ADAM30: variants seen among roughly 807,000 people sequenced by gnomAD.
ADAM30 encodes disintegrin and metalloproteinase domain-containing protein 30.
For missense variants in ADAM30, 960 were observed against 959.4 expected, an observed-to-expected ratio of 1.00 and a Z score of -0.01; for synonymous variants, 382 against 340.9, an observed-to-expected ratio of 1.12 and a Z score of -1.33.
chr1:119,895,541 A>T lies in ADAM30; in HGVS notation c.796T>A (p.Tyr266Asn), dbSNP rs145107672. 4.3e-6 allele frequency: 7 copies of T among 1,613,754 alleles called. No homozygotes were observed. In the African/African-American group the frequency reaches 6.7e-5, roughly 15 times the overall value. ...WTDFNKIRVG[Y>N]PELAEVLGRF... ...CCTAAAACTTCAGCTAACTCTGGAT[A>T]TCCAACGCGTATTTTGTTAAAATCT... The change falls in exon 1 of 1, where the codon TAT becomes AAT. Residue 266 changes from tyrosine to asparagine, a missense_variant. Coordinates refer to ENST00000369400, the MANE Select transcript of ADAM30 (RefSeq NM_021794.4).
rs1224561680 is a variant in ADAM30 at position 119,894,684 on chromosome 1, A to G, written c.1653T>C (p.Asn551=). The change falls in exon 1 of 1, where the codon AAT becomes AAC. Residue 551 remains asparagine (N), a synonymous_variant. Transcript: ENST00000369400. ...IRNFKKCESA[N]SICGRLQCIN... ...TACACTGTAGCCTGCCACATATTGA[A>G]TTTGCACTTTCACACTTTTTAAAAT... 1.9e-6 allele frequency: 3 copies of G among 1,613,986 alleles called. No individual in the cohort carries two copies. The highest frequency in any genetic ancestry group is 2.2e-5 in the East Asian group (1 of 44,892).
At position 119,894,549 on chromosome 1, in the gene ADAM30, T is replaced by G; in HGVS notation, c.1788A>C (p.Lys596Asn). 1 of 1,613,920 alleles carries G rather than the reference T, an allele frequency of 6.2e-7. No homozygotes were observed. Among genetic ancestry groups the G allele is most frequent in the Non-Finnish European group, 8.5e-7 (1 of 1,180,012 alleles). The change falls in exon 1 of 1, where the codon AAA becomes AAC. Residue 596 changes from lysine to asparagine, a missense_variant. By Grantham distance (94) the Lys-to-Asn change is moderately conservative. Transcript: ENST00000369400. The part of the protein sequence containing the change: ...CWGTGYHLSM[K>N]PMGIPDLGMI... The stretch of plus-strand genomic sequence containing the variant: ...TACCTAGGTCAGGTATTCCCATGGG[T>G]TTCATGGATAGATGATAGCCTGTGC...
At position 119,894,036 on chromosome 1, in the gene ADAM30, T is replaced by C. The variant is rs1648496776; in HGVS notation, c.2301A>G (p.Gly767=). 1 of 1,613,468 alleles carries C rather than the reference T, an allele frequency of 6.2e-7. No individual in the cohort carries two copies. The highest frequency in any genetic ancestry group is 1.1e-5 in the South Asian group (1 of 91,014). Residue 767 remains glycine, a synonymous_variant, in exon 1 of 1, where the codon GGA becomes GGG. Coordinates refer to ENST00000369400, the MANE Select transcript of ADAM30 (RefSeq NM_021794.4). The part of the protein sequence containing the change: ...TGQEESKAKT[G]QEESKANIES... ...CAATGTTTGCTTTAGATTCTTCCTG[T>C]CCAGTTTTTGCTTTAGATTCTTCCT...
In ADAM30 at chr1:119,896,447, C is replaced by A; in HGVS notation, c.-111G>T. 1 of 1,421,198 alleles carries A rather than the reference C, an allele frequency of 7.0e-7. No homozygotes were observed. The highest frequency in any genetic ancestry group is 1.6e-5 in the South Asian group (1 of 61,332). The allele number at this position is 1,421,198 out of a possible 1,614,324, so 88.0% of individuals were successfully genotyped here. A position where few individuals can be genotyped will look rare whatever the true frequency, so the allele number is the denominator to read the frequency against. On this transcript the variant is annotated 5_prime_UTR_variant, in exon 1 of 1. Transcript: ENST00000369400. ...AGGCGCCTGAGCTCAAAACCCGGCT[C>A]CCCTGGCAGGGTTTCCGGGGGAGCC...
In ADAM30 at chr1:119,895,964, T is replaced by C. The variant is rs1369584275; in HGVS notation, c.373A>G (p.Thr125Ala). The C allele has an allele frequency of 6.2e-7, 1 of 1,614,158 alleles. No individual in the cohort carries two copies. ...SVKESLDSKATISTCMGGLRG... is the reference protein window; with the variant it reads ...SVKESLDSKAAISTCMGGLRG... ...AGACCCCCCATGCATGTGCTTATAG[T>C]AGCTTTAGAGTCCAGAGACTCTTTC... Residue 125 changes from threonine to alanine, a missense_variant, in exon 1 of 1, where the codon ACT (threonine) becomes GCT (alanine). Transcript: ENST00000369400.
rs1470927646 is a variant in ADAM30, at chr1:119,894,732, G to C, written c.1605C>G (p.Asn535Lys). 1 of 1,614,178 alleles carries C rather than the reference G, an allele frequency of 6.2e-7. No homozygotes were observed. Among genetic ancestry groups the C allele is most frequent in the Admixed American group, 1.7e-5 (1 of 60,024 alleles). The change falls in exon 1 of 1, where the codon AAC (asparagine) becomes AAG (lysine). Residue 535 changes from asparagine to lysine, a missense_variant. By Grantham distance (94) the Asn-to-Lys change is moderately conservative (BLOSUM62 0). Transcript: ENST00000369400. ...AATTTCGAATTCCTGTAATCTCACA[G>C]TTACCAAATTGATCACCTATTAAGT... Reference protein sequence around the residue: ...AVNLIGDQFGNCEITGIRNFK... With the variant: ...AVNLIGDQFGKCEITGIRNFK...
Position 119,894,297 on chromosome 1 carries a change from C to A in ADAM30, c.2040G>T (p.Gly680=). 3 of 1,614,140 alleles carry A rather than the reference C, an allele frequency of 1.9e-6. No individual in the cohort carries two copies. Among genetic ancestry groups the A allele is most frequent in the Non-Finnish European group, 1.7e-6 (2 of 1,180,022 alleles). ...IDSGPPGLLR[G]AIPSSIWVVS... Reference sequence around the variant, plus strand: ...CAACCCAAATTGACGAGGGAATCGCCCCTCTGAGCAGTCCTGGAGGCCCAC... The same window carrying A: ...CAACCCAAATTGACGAGGGAATCGCACCTCTGAGCAGTCCTGGAGGCCCAC... The change falls in exon 1 of 1, where the codon GGG becomes GGT. Residue 680 remains glycine (G), a synonymous_variant. Coordinates refer to ENST00000369400, the MANE Select transcript of ADAM30 (RefSeq NM_021794.4).
At position 119,893,762 on chromosome 1, in the gene ADAM30, C is replaced by A; in HGVS notation, c.*202G>T. 2 of 1,081,198 alleles carry A rather than the reference C, an allele frequency of 1.8e-6. No individual in the cohort carries two copies. Among genetic ancestry groups the A allele is most frequent in the Non-Finnish European group, 2.5e-6 (2 of 786,738 alleles). The allele number at this position is 1,081,198 out of a possible 1,614,324, so 67.0% of individuals were successfully genotyped here. On this transcript the variant is annotated 3_prime_UTR_variant, in exon 1 of 1. Coordinates refer to ENST00000369400, the MANE Select transcript of ADAM30 (RefSeq NM_021794.4). ...TCTCAGAATACCCACAACTTGGTCA[C>A]AAACTGAGGGGCAAGTGAACACTCG...
In ADAM30 at chr1:119,895,865, C is replaced by A. The variant is rs199726687; in HGVS notation, c.472G>T (p.Val158Phe). 182 of 1,614,158 alleles carry A rather than the reference C, an allele frequency of 1.1e-4. No homozygotes were observed. In the East Asian group the frequency reaches 3.4e-3, roughly 30 times the overall value. Residue 158 changes from valine to phenylalanine, a missense_variant, in exon 1 of 1, where the codon GTC becomes TTC. Val to Phe is a conservative substitution (Grantham distance 50). Coordinates refer to ENST00000369400, the MANE Select transcript of ADAM30 (RefSeq NM_021794.4). ...PLKASPSFEHVVYLLKKEQFG... is the reference protein window; with the variant it reads ...PLKASPSFEHFVYLLKKEQFG... ...TGCTCTTTCTTCAGGAGATAGACGA[C>A]ATGTTCAAAACTGGGAGAGGCCTTG...
rs1261598864 is a variant in ADAM30, at chr1:119,894,990, C to A, written c.1347G>T (p.Arg449=). 4.3e-6 allele frequency: 7 copies of A among 1,614,182 alleles called. No homozygotes were observed. The East Asian group carries it at 1.6e-4, about 36-fold the overall frequency. Reference sequence around the variant, plus strand: ...TACACACGTATCCAGATGGACGAAACCGACAATCATGACAGCAAAGTCCAA... The same window carrying A: ...TACACACGTATCCAGATGGACGAAAACGACAATCATGACAGCAAAGTCCAA... ...CSIGLCCHDC[R]FRPSGYVCRQ... The change falls in exon 1 of 1, where the codon CGG becomes CGT. Residue 449 remains arginine, a synonymous_variant. Coordinates refer to ENST00000369400, the MANE Select transcript of ADAM30 (RefSeq NM_021794.4).
chr1:119,893,933 C>T lies in ADAM30; in HGVS notation c.*31G>A. ...TGATTAGCTGGTTAAATAAATGAGC[C>T]TGTGTTACTGAATGAGTATGGATTG... On this transcript the variant is annotated 3_prime_UTR_variant, in exon 1 of 1. Transcript: ENST00000369400. 6.4e-7 allele frequency: 1 copy of T among 1,573,786 alleles called. No homozygotes were observed. Among genetic ancestry groups the T allele is most frequent in the Non-Finnish European group, 8.6e-7 (1 of 1,166,030 alleles).
chr1:119,894,599 G>A lies in ADAM30; in HGVS notation c.1738C>T (p.Gln580Ter). The A allele has an allele frequency of 6.2e-7, 1 of 1,614,138 alleles. No homozygotes were observed. The highest frequency in any genetic ancestry group is 1.3e-5 in the African/African-American group (1 of 75,054). ...EHTTIISTHL[Q>*]AENLMCWGTG... is the part of the protein sequence containing the mutation. ...CCCCAGCACATGAGATTTTCTGCCTGTAAATGAGTAGAAATTATAGTCGTA... is the reference window on the plus strand; with the variant it reads ...CCCCAGCACATGAGATTTTCTGCCTATAAATGAGTAGAAATTATAGTCGTA... Residue 580 changes from glutamine to a stop codon, truncating the protein, a stop_gained, in exon 1 of 1, where the codon CAG (glutamine) becomes TAG (stop). Coordinates refer to ENST00000369400, the MANE Select transcript of ADAM30 (RefSeq NM_021794.4). LOFTEE classifies it low-confidence loss of function (END_TRUNC).
rs758467993 is a variant in ADAM30, at chr1:119,896,118, G to A, written c.219C>T (p.His73=). 9.3e-6 allele frequency: 15 copies of A among 1,613,962 alleles called. No individual in the cohort carries two copies. Among genetic ancestry groups the A allele is most frequent in the Non-Finnish European group, 1.2e-5 (14 of 1,180,004 alleles). The part of the protein sequence containing the change: ...SYLLQLKGKK[H]VLHLWPKRLL... ...GTCTCTTGGGCCACAAATGGAGGAC[G>A]TGCTTCTTGCCTTTTAACTGCAGTA... Residue 73 remains histidine, a synonymous_variant, in exon 1 of 1, where the codon CAC becomes CAT. Coordinates refer to ENST00000369400, the MANE Select transcript of ADAM30 (RefSeq NM_021794.4).
In ADAM30 at chr1:119,895,335, G is replaced by A. The variant is rs148513488; in HGVS notation, c.1002C>T (p.Thr334=). The change falls in exon 1 of 1, where the codon ACC becomes ACT. Residue 334 remains threonine, a synonymous_variant. Transcript: ENST00000369400. ...LLDTNILAPA[T]WSAHELGHAV... is the part of the protein sequence containing the mutation. ...CATGACCCAGCTCATGAGCAGACCA[G>A]GTAGCAGGGGCAAGGATATTTGTAT... 6.1e-5 allele frequency: 98 copies of A among 1,614,008 alleles called. No homozygotes were observed. The highest frequency in any genetic ancestry group is 8.0e-5 in the Non-Finnish European group (94 of 1,180,028).
chr1:119,894,414 C>A lies in ADAM30; in HGVS notation c.1923G>T (p.Arg641=). The change falls in exon 1 of 1, where the codon CGG becomes CGT. Residue 641 remains arginine, a synonymous_variant. Coordinates refer to ENST00000369400, the MANE Select transcript of ADAM30 (RefSeq NM_021794.4). ...AGTTTTTTCTGTTGTTGCAAACACC[C>A]CGGGTATTGCATTTCTCAGGCAAAC... is the stretch of plus-strand genomic sequence containing the variant. ...FDCLPEKCNT[R]GVCNNRKNCH... is the part of the protein sequence containing the mutation. 1 of 1,614,120 alleles carries A rather than the reference C, an allele frequency of 6.2e-7. No individual in the cohort carries two copies.
chr1:119,895,993 G>C lies in ADAM30; in HGVS notation c.344C>G (p.Ser115Cys). 1 of 1,614,120 alleles carries C rather than the reference G, an allele frequency of 6.2e-7. No homozygotes were observed. The highest frequency in any genetic ancestry group is 8.5e-7 in the Non-Finnish European group (1 of 1,180,028). ...YIPKDCNYMG[S>C]VKESLDSKAT... ...TTTAGAGTCCAGAGACTCTTTCACGGAGCCCATGTAGTTGCAGTCCTTTGG... is the reference window on the plus strand; with the variant it reads ...TTTAGAGTCCAGAGACTCTTTCACGCAGCCCATGTAGTTGCAGTCCTTTGG... The change falls in exon 1 of 1, where the codon TCC becomes TGC. Residue 115 changes from serine to cysteine, a missense_variant. Physicochemically the swap from Ser to Cys is moderately radical, Grantham distance 112. Transcript: ENST00000369400.
chr1:119,894,665 G>T lies in ADAM30; in HGVS notation c.1672C>A (p.Gln558Lys). The T allele has an allele frequency of 6.2e-7, 1 of 1,614,108 alleles. No individual in the cohort carries two copies. Among genetic ancestry groups the T allele is most frequent in the East Asian group, 2.2e-5 (1 of 44,894 alleles). Residue 558 changes from glutamine to lysine, a missense_variant, in exon 1 of 1, where the codon CAG (glutamine) becomes AAG (lysine). Coordinates refer to ENST00000369400, the MANE Select transcript of ADAM30 (RefSeq NM_021794.4). ...GGGATGGTTTCAACATTTATACACT[G>T]TAGCCTGCCACATATTGAATTTGCA... ...ESANSICGRL[Q>K]CINVETIPDL...
chr1:119,894,028 T>A lies in ADAM30; in HGVS notation c.2309A>T (p.Glu770Val). 1 of 1,613,470 alleles carries A rather than the reference T, an allele frequency of 6.2e-7. No individual in the cohort carries two copies. Among genetic ancestry groups the A allele is most frequent in the Non-Finnish European group, 8.5e-7 (1 of 1,179,662 alleles). ...TTTACTTTCAATGTTTGCTTTAGAT[T>A]CTTCCTGTCCAGTTTTTGCTTTAGA... ...EESKAKTGQEESKANIESKRP... is the reference protein window; with the variant it reads ...EESKAKTGQEVSKANIESKRP... The change falls in exon 1 of 1, where the codon GAA (glutamate) becomes GTA (valine). Residue 770 changes from glutamate (E) to valine (V), a missense_variant. Glu to Val is a moderately radical substitution (Grantham distance 121). Transcript: ENST00000369400.
Position 119,895,970 on chromosome 1 carries a change from T to C in ADAM30, c.367A>G (p.Lys123Glu), listed in dbSNP as rs149981088. 31 of 1,614,080 alleles carry C rather than the reference T, an allele frequency of 1.9e-5. No individual in the cohort carries two copies. In the African/African-American group the frequency reaches 3.9e-4, roughly 20 times the overall value. ...MGSVKESLDS[K>E]ATISTCMGGL... is the part of the protein sequence containing the mutation. ...CCCATGCATGTGCTTATAGTAGCTT[T>C]AGAGTCCAGAGACTCTTTCACGGAG... The change falls in exon 1 of 1, where the codon AAA (lysine) becomes GAA (glutamate). Residue 123 changes from lysine (K) to glutamate (E), a missense_variant. By Grantham distance (56) the Lys-to-Glu change is moderately conservative. Transcript: ENST00000369400.
Sources: gnomAD v4.1 joint callset for allele counts on GRCh38, gnomAD v4.1.1 for gene constraint, MANE v1.5 for transcripts, NCBI Gene and HGNC (gene_info 2026-07-23, HGNC 2026-07-21) for gene names.